CELF3: variants seen among roughly 807,000 people sequenced by gnomAD.
The protein encoded by CELF3 is CUGBP Elav-like family member 3.
In CELF3, 26 loss-of-function variants were observed where a neutral mutation model predicts 59.6. That is an observed-to-expected ratio of 0.44 (90% confidence interval 0.32 to 0.61). CELF3 has a LOEUF of 0.61. CELF3 is among the 20% of genes least tolerant of loss of function. The pLI is 0.06. For missense variants in CELF3, 387 were observed against 627.2 expected (o/e 0.62, Z 4.09); for synonymous variants, 245 against 250.7 (o/e 0.98, Z 0.22).
Position 151,700,303 on chromosome 1 carries a change from A to G in CELF3, c.*3156T>C, listed in dbSNP as rs1308144. Among the ~76,000 whole-genome samples the G allele has an allele frequency of 9.1e-3, 1,383 of 152,326 alleles. 17 individuals are homozygous for G. Among genetic ancestry groups the G allele is most frequent in the African/African-American group, 0.027 (1,131 of 41,546 alleles). On this transcript the variant is annotated 3_prime_UTR_variant, in exon 13 of 13. Coordinates refer to ENST00000290583, the MANE Select transcript of CELF3 (RefSeq NM_007185.7). ...ATGAGGGCCGTTAAGATTTTCATGA[A>G]GAAAGTAGTGTTTAAGGTGAACTGT...
intron 12 of CELF3, 75 bp downstream of exon 12, chr1:151,704,956 G>A: frequency 6.8e-7 from 1 of 1,481,186 alleles, no homozygotes. Flanking sequence ...CAGGGGTTGG[G>A]GGTGTAGTCC....
chr1:151,700,523 T>TA lies in CELF3; in HGVS notation c.*2935_*2936insT, dbSNP rs1442606320. Among the ~76,000 whole-genome samples, 8 of 152,208 alleles carry TA rather than the reference T, an allele frequency of 5.3e-5. No homozygotes were observed. Among genetic ancestry groups the TA allele is most frequent in the African/African-American group, 1.9e-4 (8 of 41,458 alleles). ...AAGTAAGGCTTCGAAGAGCCTTGAA[T>TA]GCCAGGCTGAGGTGTTCTATGAAAA... On this transcript the variant is annotated 3_prime_UTR_variant, in exon 13 of 13. Coordinates refer to ENST00000290583, the MANE Select transcript of CELF3 (RefSeq NM_007185.7).
Position 151,709,780 on chromosome 1 carries a change from C to T in CELF3, c.240G>A (p.Pro80=), listed in dbSNP as rs775554229. The T allele has an allele frequency of 9.3e-6, 15 of 1,614,030 alleles. No homozygotes were observed. Among genetic ancestry groups the T allele is most frequent in the African/African-American group, 5.3e-5 (4 of 74,934 alleles). ...EQKTLPGMNR[P]IQVKPADSES... ...CGCTGTCGGCTGGCTTGACCTGGAT[C>T]GGCCTGTTCATCTGAAGGAGAGAAG... is the stretch of plus-strand genomic sequence containing the variant. The change falls in exon 3 of 13, where the codon CCG becomes CCA. Residue 80 remains proline (P), a synonymous_variant. Transcript: ENST00000290583. This position sits in a 1 kb window ranked among gnomAD's most constrained non-coding sequence, Gnocchi z 4.9.
At chr1:151,713,425 C>T (rs975693356) in intron 2 of CELF3, 1 of 152,282 alleles carries the variant, frequency 6.6e-6, no homozygotes, top group Non-Finnish European at 1.5e-5. Context: ...CCACTCCAGT[C>T]CTCTTTATCT....
chr1:151,702,179 T>TC lies in CELF3; in HGVS notation c.*1279dup, dbSNP rs1339132667. ...GGGAGAGCCCCCGACAGGGGAGATC[T>TC]CCTTGTGCCGAACTCTGCAGGACAT... On this transcript the variant is annotated 3_prime_UTR_variant, in exon 13 of 13. Coordinates refer to ENST00000290583, the MANE Select transcript of CELF3 (RefSeq NM_007185.7). Among the ~76,000 whole-genome samples, 1 of 152,158 alleles carries TC rather than the reference T, an allele frequency of 6.6e-6. No homozygotes were observed. The highest frequency in any genetic ancestry group is 1.5e-5 in the Non-Finnish European group (1 of 68,024).
At chr1:151,704,937 G>T in intron 12 of CELF3, 94 bp downstream of exon 12, 1 of 1,364,576 alleles carries the variant, frequency 7.3e-7, no homozygotes, top group Non-Finnish European at 1.0e-6. Context: ...CCCTGAGGGT[G>T]GTGGAGGACA....
chr1:151,709,147 A>T lies in CELF3; in HGVS notation c.407-70T>A, dbSNP rs1045769127. On this transcript the variant is annotated intron_variant, in intron 4 of 12. Transcript: ENST00000290583. This position sits in a 1 kb window ranked among gnomAD's most constrained non-coding sequence, Gnocchi z 4.9. The stretch of plus-strand genomic sequence containing the variant: ...CTGCGGGACCCCGCGGTGGAACCCG[A>T]TGCCTAGGGAGTCTTGGGGGTGGAA... 4.4e-6 allele frequency: 7 copies of T among 1,605,686 alleles called. No homozygotes were observed. The African/African-American group carries it at 9.4e-5, about 21-fold the overall frequency.
rs147134681 is a variant in CELF3, at chr1:151,707,233, G to A, written c.834C>T (p.Gly278=). Reference sequence around the variant, plus strand: ...TGGGCACCGGGCTGTAGCCGTTGACGCCCAGGGCAGCCGGAATGGCAGAGA... The same window carrying A: ...TGGGCACCGGGCTGTAGCCGTTGACACCCAGGGCAGCCGGAATGGCAGAGA... ...TPVSAIPAAL[G]VNGYSPVPTQ... The change falls in exon 8 of 13, where the codon GGC becomes GGT. Residue 278 remains glycine (G), a synonymous_variant. Coordinates refer to ENST00000290583, the MANE Select transcript of CELF3 (RefSeq NM_007185.7). The A allele has an allele frequency of 1.3e-5, 20 of 1,553,746 alleles. No individual in the cohort carries two copies. The highest frequency in any genetic ancestry group is 1.6e-5 in the Non-Finnish European group (19 of 1,152,752).
At chr1:151,712,919 ATGCATGCACACACACAC>A (rs1377914120) in intron 2 of CELF3, among the ~76,000 whole-genome samples, 2 of 152,072 alleles carry the variant, frequency 1.3e-5, no homozygotes, top group Non-Finnish European at 2.9e-5. Flanking sequence ...ACACACACTC[ATGCATGCACACACACAC>A]TGCATGCACA....
rs192722086 is a variant in CELF3 at position 151,700,669 on chromosome 1, A to T, written c.*2790T>A. Among the ~76,000 whole-genome samples the T allele has an allele frequency of 6.6e-4, 101 of 152,366 alleles. 1 individual carries two copies. Among genetic ancestry groups the T allele is most frequent in the African/African-American group, 2.3e-3 (97 of 41,588 alleles). ...AATTGCTATGATTACTCAGTTAATAAGTGTAGGCAGTGATAATTGAAAAGA... is the reference window on the plus strand; with the variant it reads ...AATTGCTATGATTACTCAGTTAATATGTGTAGGCAGTGATAATTGAAAAGA... On this transcript the variant is annotated 3_prime_UTR_variant, in exon 13 of 13. Coordinates refer to ENST00000290583, the MANE Select transcript of CELF3 (RefSeq NM_007185.7).
At chr1:151,712,317 C>T (rs1273979846) in intron 2 of CELF3, among the ~76,000 whole-genome samples, 3 of 152,296 alleles carry the variant, frequency 2.0e-5, no homozygotes, top group Middle Eastern at 3.4e-3. Context: ...TCATCTTTCT[C>T]GCCAATAGCA....
chr1:151,704,820 T>TGTGA (rs1333975884), intron 12 of CELF3, among the ~76,000 whole-genome samples: 3,307 of 148,224 alleles, frequency 0.022, 107 homozygotes, highest in African/African-American at 0.075. Flanking sequence ...TGTGTGTGTG[T>TGTGA]GAGAGAGAGA....
At chr1:151,710,643 G>A in intron 2 of CELF3, 1 of 456,442 alleles carries the variant, frequency 2.2e-6, no homozygotes, top group Non-Finnish European at 4.4e-6. Context: ...AATCCTTGGT[G>A]CCTGGAGGGC....
At position 151,709,568 on chromosome 1, in the gene CELF3, T is replaced by G. The variant is rs1032630318; in HGVS notation, c.277+175A>C. 5 of 913,824 alleles carry G rather than the reference T, an allele frequency of 5.5e-6. No homozygotes were observed. Among genetic ancestry groups the G allele is most frequent in the Middle Eastern group, 2.2e-4 (1 of 4,560 alleles). 56.6% of individuals were successfully genotyped at this position (913,824 alleles called of 1,614,324 possible). On this transcript the variant is annotated intron_variant, in intron 3 of 12. Transcript: ENST00000290583. The surrounding 1 kb of genome is among the most constrained non-coding windows in gnomAD (Gnocchi z 4.9). ...CACCCTGGGCCTCAGTTTTGCCATC[T>G]GTACCCGCCCCAGATCTCACCCGCT...
intron 8 of CELF3, 51 bp downstream of exon 8, chr1:151,707,094 G>A (rs1672618246): frequency 7.0e-7 from 1 of 1,436,906 alleles, no homozygotes; most frequent in Non-Finnish European, 9.1e-7. Flanking sequence ...CCTAATGGGA[G>A]TGGTGGTTTA....
rs1235638688 is a variant in CELF3 at position 151,703,215 on chromosome 1, C to T, written c.*244G>A. 2.2e-6 allele frequency: 1 copy of T among 458,240 alleles called. No individual in the cohort carries two copies. Among genetic ancestry groups the T allele is most frequent in the Non-Finnish European group, 4.4e-6 (1 of 227,964 alleles). 28.4% of individuals were successfully genotyped at this position (458,240 alleles called of 1,614,324 possible). A position where few individuals can be genotyped will look rare whatever the true frequency, so the allele number is the denominator to read the frequency against. On this transcript the variant is annotated 3_prime_UTR_variant, in exon 13 of 13. Transcript: ENST00000290583. Reference sequence around the variant, plus strand: ...CCTTCGAGCCTGTTCCTCGCTCCCTCACAAAGGCCAAAAGGGCATCTAGGA... The same window carrying T: ...CCTTCGAGCCTGTTCCTCGCTCCCTTACAAAGGCCAAAAGGGCATCTAGGA...
Position 151,700,603 on chromosome 1 carries a change from A to G in CELF3, c.*2856T>C, listed in dbSNP as rs1231741595. 2.0e-5 allele frequency among the ~76,000 whole-genome samples: 3 copies of G among 152,224 alleles called. No homozygotes were observed. Among genetic ancestry groups the G allele is most frequent in the Non-Finnish European group, 2.9e-5 (2 of 68,038 alleles). ...GTTTTTTATTAGCTGCAGTTTAGAA[A>G]GATTGATGCTTCAGAACATAGACAG... On this transcript the variant is annotated 3_prime_UTR_variant, in exon 13 of 13. Coordinates refer to ENST00000290583, the MANE Select transcript of CELF3 (RefSeq NM_007185.7).
In CELF3 at chr1:151,709,199, A is replaced by G. The variant is rs1558104777; in HGVS notation, c.406+21T>C. On this transcript the variant is annotated intron_variant, in intron 4 of 12. Transcript: ENST00000290583. This position sits in a 1 kb window ranked among gnomAD's most constrained non-coding sequence, Gnocchi z 4.9. ...AGGAAGGGGAAGGGCCCGGTGGGGA[A>G]GGGGGAAGTGGGTGGACTACCTTTG... 1.9e-6 allele frequency: 3 copies of G among 1,611,458 alleles called. No individual in the cohort carries two copies. The Admixed American group carries it at 5.0e-5, about 27-fold the overall frequency.
At chr1:151,713,804 G>A (rs1445988739) in intron 2 of CELF3, among the ~76,000 whole-genome samples, 2 of 152,218 alleles carry the variant, frequency 1.3e-5, no homozygotes, top group African/African-American at 4.8e-5. Context: ...GCCGCAGTTG[G>A]CTTTGCTTTC....
Sources: gnomAD v4.1 joint callset for allele counts (sites outside exome capture counted in the v4.1 genomes callset) on GRCh38, gnomAD v4.1.1 for gene constraint, Gnocchi (gnomAD v3.1) non-coding constraint, MANE v1.5 for transcripts, NCBI Gene and HGNC (gene_info 2026-07-23, HGNC 2026-07-21) for gene names.